The following FAAH variants were observed in gnomAD, a reference collection of about 807,000 sequenced individuals.
FAAH encodes the protein fatty acid amide hydrolase.
A neutral mutation model predicts 69.7 loss-of-function variants in FAAH; 63 were observed. The observed-to-expected ratio is 0.90, with a 90% CI of 0.74 to 1.12. The LOEUF is 1.12. FAAH is among the 50% of genes most tolerant of loss of function. The pLI is 0.00. For missense variants in FAAH, 680 were observed against 755.0 expected (o/e 0.90, Z 1.16); for synonymous variants, 305 against 324.2 (o/e 0.94, Z 0.64).
chr1:46,413,600 G>A lies in FAAH; in HGVS notation c.*25G>A. ...ATGGCTCTGGCTCCAGAGGACCTGA[G>A]ACTCACACTCTCTGCAGCCCAGCCT... On this transcript the variant is annotated 3_prime_UTR_variant, in exon 15 of 15. Transcript: ENST00000243167. 6.2e-7 allele frequency: 1 copy of A among 1,613,914 alleles called. No homozygotes were observed.
At position 46,405,562 on chromosome 1, in the gene FAAH, G is replaced by T. The variant is rs200743964; in HGVS notation, c.579-26G>T. ...GGGGCACCGGTCCCAGCATGGCACG[G>T]GCTGACCCATTCTTGGCTCCTCCAG... On this transcript the variant is annotated intron_variant, in intron 4 of 14. Transcript: ENST00000243167. This position sits in a 1 kb window ranked among gnomAD's most constrained non-coding sequence, Gnocchi z 4.1. The T allele has an allele frequency of 5.0e-6, 8 of 1,613,132 alleles. No individual in the cohort carries two copies. In the East Asian group the frequency reaches 1.6e-4, roughly 31 times the overall value.
chr1:46,394,803 A>G (rs984733237), intron 1 of FAAH, among the ~76,000 whole-genome samples: 1 of 152,260 alleles, frequency 6.6e-6, no homozygotes, highest in African/African-American at 2.4e-5. Flanking sequence ...TTTGTGCCAA[A>G]GAATCTCACG....
At chr1:46,412,864 T>C (rs901149915) in intron 13 of FAAH, among the ~76,000 whole-genome samples, 26 of 152,116 alleles carry the variant, frequency 1.7e-4, no homozygotes, top group Non-Finnish European at 2.6e-4. Flanking sequence ...AGAAAGTACA[T>C]GGGCAAAGGC....
In FAAH at chr1:46,402,114, G is replaced by A. The variant is rs199931641; in HGVS notation, c.219G>A (p.Ala73=). Residue 73 remains alanine (A), a synonymous_variant, in exon 2 of 15, where the codon GCG becomes GCA. Coordinates refer to ENST00000243167, the MANE Select transcript of FAAH (RefSeq NM_001441.3). ...RLQNPDLDSE[A]LLALPLPQLV... ...AGAACCCAGACCTGGACTCAGAGGC[G>A]CTGCTAGCCCTGCCCCTGCCTCAGC... 1.4e-5 allele frequency: 23 copies of A among 1,609,354 alleles called. No homozygotes were observed. Among genetic ancestry groups the A allele is most frequent in the Non-Finnish European group, 1.9e-5 (22 of 1,177,842 alleles).
chr1:46,409,846 C>T (rs1464819634), intron 9 of FAAH, among the ~76,000 whole-genome samples: 1 of 152,154 alleles, frequency 6.6e-6, no homozygotes, highest in Non-Finnish European at 1.5e-5. Flanking sequence ...GGAGCTTGGC[C>T]CTGCAGCTTC....
chr1:46,394,332 A>G lies in FAAH; in HGVS notation c.-17A>G. 2 of 1,553,470 alleles carry G rather than the reference A, an allele frequency of 1.3e-6. No homozygotes were observed. Among genetic ancestry groups the G allele is most frequent in the Non-Finnish European group, 1.7e-6 (2 of 1,154,056 alleles). On this transcript the variant is annotated 5_prime_UTR_variant, in exon 1 of 15. Coordinates refer to ENST00000243167, the MANE Select transcript of FAAH (RefSeq NM_001441.3). ...GGCTTCAACTGTCGCGGTAGGCAGC[A>G]GCAGGCTGAAGGGATCATGGTGCAG... is the stretch of plus-strand genomic sequence containing the variant.
chr1:46,408,429 C>T lies in FAAH; in HGVS notation c.952-30C>T, dbSNP rs142761362. On this transcript the variant is annotated intron_variant, in intron 7 of 14. Coordinates refer to ENST00000243167, the MANE Select transcript of FAAH (RefSeq NM_001441.3). ...CTGCCTAGGGTTGTCTTCTCCTGACCTGCCCCTGTCCCCTGTGTTTTCCCT... is the reference window on the plus strand; with the variant it reads ...CTGCCTAGGGTTGTCTTCTCCTGACTTGCCCCTGTCCCCTGTGTTTTCCCT... The T allele has an allele frequency of 2.2e-3, 3,550 of 1,614,074 alleles. 45 individuals carry two copies. Among genetic ancestry groups the T allele is most frequent in the Non-Finnish European group, 1.2e-3 (1,389 of 1,179,986 alleles).
chr1:46,399,210 CAG>C (rs1664654164), intron 1 of FAAH, among the ~76,000 whole-genome samples: 1 of 152,204 alleles, frequency 6.6e-6, no homozygotes, highest in Non-Finnish European at 1.5e-5. Context: ...GAAAACAAAA[CAG>C]ATGGAGGAGG....
At chr1:46,412,273 G>A in intron 13 of FAAH, 22 bp downstream of exon 13, 1 of 1,535,552 alleles carries the variant, frequency 6.5e-7, no homozygotes. Flanking sequence ...CACCCTGCCT[G>A]TCCCTTCTGT....
chr1:46,408,347 G>C, intron 7 of FAAH, 112 bp from the exon 8 acceptor site: 2 of 1,457,900 alleles, frequency 1.4e-6, no homozygotes, highest in South Asian at 1.1e-5. Flanking sequence ...TGGCCTCGCT[G>C]ACTGCAGCCT....
Position 46,394,346 on chromosome 1 carries a change from A to C in FAAH, c.-3A>C, listed in dbSNP as rs755315378. ...CGGTAGGCAGCAGCAGGCTGAAGGGATCATGGTGCAGTACGAGCTGTGGGC... is the reference window on the plus strand; with the variant it reads ...CGGTAGGCAGCAGCAGGCTGAAGGGCTCATGGTGCAGTACGAGCTGTGGGC... On this transcript the variant is annotated 5_prime_UTR_variant, in exon 1 of 15. Transcript: ENST00000243167. 6.4e-7 allele frequency: 1 copy of C among 1,560,754 alleles called. No individual in the cohort carries two copies. Among genetic ancestry groups the C allele is most frequent in the East Asian group, 2.5e-5 (1 of 40,112 alleles).
intron 6 of FAAH, 83 bp downstream of exon 6, chr1:46,406,161 G>T: frequency 6.2e-7 from 1 of 1,613,884 alleles, no homozygotes; most frequent in Non-Finnish European, 8.5e-7. Flanking sequence ...CAGGTGGCAG[G>T]GCAGTGTCTG....
chr1:46,405,364 C>T lies in FAAH; in HGVS notation c.445-8C>T. The T allele has an allele frequency of 6.2e-7, 1 of 1,609,328 alleles. No individual in the cohort carries two copies. Among genetic ancestry groups the T allele is most frequent in the Non-Finnish European group, 8.5e-7 (1 of 1,179,972 alleles). On this transcript the variant is annotated splice_region_variant and splice_polypyrimidine_tract_variant and intron_variant, in intron 3 of 14. Transcript: ENST00000243167. This position sits in a 1 kb window ranked among gnomAD's most constrained non-coding sequence, Gnocchi z 4.1. ...TCACTCCCTTCTGGTGCCCATCCCT[C>T]CTCCCAGGGCCAGGACTCCACGCTG...
At position 46,411,591 on chromosome 1, in the gene FAAH, G is replaced by A. The variant is rs200725633; in HGVS notation, c.1317-21G>A. The A allele has an allele frequency of 1.3e-4, 205 of 1,613,826 alleles. No individual in the cohort carries two copies. The highest frequency in any genetic ancestry group is 1.6e-4 in the Non-Finnish European group (191 of 1,179,902). On this transcript the variant is annotated intron_variant, in intron 11 of 14. Coordinates refer to ENST00000243167, the MANE Select transcript of FAAH (RefSeq NM_001441.3). This position sits in a 1 kb window ranked among gnomAD's most constrained non-coding sequence, Gnocchi z 4.8. ...CGTGGCTGTGACCATCATGGCTGGTGACCACACTCCTTCTGCCCAGTTCGG... is the reference window on the plus strand; with the variant it reads ...CGTGGCTGTGACCATCATGGCTGGTAACCACACTCCTTCTGCCCAGTTCGG...
chr1:46,403,544 C>T (rs1283401480), intron 2 of FAAH, among the ~76,000 whole-genome samples: 5 of 152,264 alleles, frequency 3.3e-5, no homozygotes, highest in Non-Finnish European at 7.3e-5. Context: ...CTCTTGTACT[C>T]CTCCTCTGTG....
chr1:46,412,962 G>A (rs1569827120), intron 13 of FAAH, 113 bp from the exon 14 acceptor site: 1 of 1,308,468 alleles, frequency 7.6e-7, no homozygotes, highest in East Asian at 2.5e-5. Flanking sequence ...CTGGGAGAGA[G>A]CCTTTCTCTG....
intron 1 of FAAH, among the ~76,000 whole-genome samples, chr1:46,397,709 C>T (rs1664621588): frequency 6.6e-6 from 1 of 151,768 alleles, no homozygotes; most frequent in South Asian, 2.1e-4. Context: ...TTACAGGCGC[C>T]TGCCACCATG....
intron 1 of FAAH, among the ~76,000 whole-genome samples, chr1:46,396,963 C>T (rs1664608191): frequency 6.6e-6 from 1 of 152,226 alleles, no homozygotes; most frequent in African/African-American, 2.4e-5. Flanking sequence ...CCTCCACTCA[C>T]CAAGCTGGCT....
chr1:46,407,248 G>T (rs1664816702), intron 7 of FAAH, among the ~76,000 whole-genome samples: 2 of 152,106 alleles, frequency 1.3e-5, no homozygotes, highest in African/African-American at 4.8e-5. Context: ...GGGCAGGAAG[G>T]GTGGGGAGAT....
Sources: gnomAD v4.1 joint callset for allele counts (sites outside exome capture counted in the v4.1 genomes callset) on GRCh38, gnomAD v4.1.1 for gene constraint, Gnocchi (gnomAD v3.1) non-coding constraint, MANE v1.5 for transcripts, NCBI Gene and HGNC (gene_info 2026-07-23, HGNC 2026-07-21) for gene names.